ZMPSTE24: variants seen among roughly 807,000 people sequenced by gnomAD.
ZMPSTE24 encodes the protein zinc metallopeptidase STE24.
In ZMPSTE24, 48 loss-of-function variants were observed where a neutral mutation model predicts 56.7. The observed-to-expected ratio is 0.85, with a 90% CI of 0.67 to 1.08. The LOEUF (loss-of-function observed/expected upper bound fraction) is 1.08, where lower values mean the gene tolerates loss of function less well. ZMPSTE24 is among the 50% of genes least tolerant of loss of function. The pLI is 0.00. For synonymous variants in ZMPSTE24, 172 were observed against 195.2 expected, an observed-to-expected ratio of 0.88 and a Z score of 0.99; for missense variants, 503 against 548.7, an observed-to-expected ratio of 0.92 and a Z score of 0.83.
At chr1:40,275,262 A>G (rs1309622885) in intron 6 of ZMPSTE24, among the ~76,000 whole-genome samples, 1 of 145,122 alleles carries the variant, frequency 6.9e-6, no homozygotes. Context: ...TCTACTAAAA[A>G]TACAAAAAAA....
chr1:40,273,553 T>A lies in ZMPSTE24; in HGVS notation c.769+1518T>A, dbSNP rs868232538. Among the ~76,000 whole-genome samples, 353 of 102,798 alleles carry A rather than the reference T, an allele frequency of 3.4e-3. 9 individuals are homozygous for A. The highest frequency in any genetic ancestry group is 0.013 in the African/African-American group (317 of 23,620). The allele number at this position is 102,798 out of a possible 152,430, so 67.4% of individuals were successfully genotyped here. A position where few individuals can be genotyped will look rare whatever the true frequency, so the allele number is the denominator to read the frequency against. ...AAAAAAAAAAATATATATATATATA[T>A]ATATATATATATATATGTCAGACAT... On this transcript the variant is annotated intron_variant, in intron 6 of 9. Transcript: ENST00000372759.
At chr1:40,286,101 C>G (rs1303657703) in intron 8 of ZMPSTE24, 72 bp downstream of exon 8, 16 of 1,369,606 alleles carry the variant, frequency 1.2e-5, no homozygotes, top group Non-Finnish European at 1.6e-5. Flanking sequence ...CATGAGAGGT[C>G]ATATAAGAGA....
intron 9 of ZMPSTE24, among the ~76,000 whole-genome samples, chr1:40,291,894 G>A (rs1300125556): frequency 1.3e-5 from 2 of 149,656 alleles, no homozygotes; most frequent in Non-Finnish European, 3.0e-5. Context: ...AGGCTGGAGT[G>A]CAGGGGTGTC....
intron 4 of ZMPSTE24, 21 bp from the exon 5 acceptor site, chr1:40,269,954 G>T (rs1643596737): frequency 6.3e-7 from 1 of 1,598,350 alleles, no homozygotes; most frequent in Non-Finnish European, 8.5e-7. Flanking sequence ...AGTTTCTTGT[G>T]GTAATGTTTT....
intron 6 of ZMPSTE24, among the ~76,000 whole-genome samples, chr1:40,272,909 A>G (rs1643626562): frequency 6.6e-6 from 1 of 152,206 alleles, no homozygotes; most frequent in Non-Finnish European, 1.5e-5. Flanking sequence ...GATAGTAAAT[A>G]TTTTAGCTTT....
chr1:40,290,689 C>T (rs1643833392), intron 8 of ZMPSTE24, 165 bp from the exon 9 acceptor site: 2 of 632,192 alleles, frequency 3.2e-6, no homozygotes, highest in Non-Finnish European at 5.3e-6. Context: ...GTCTCAATCT[C>T]CTGACCTCGT....
intron 6 of ZMPSTE24, among the ~76,000 whole-genome samples, chr1:40,278,071 C>T (rs1443617596): frequency 6.6e-6 from 1 of 151,390 alleles, no homozygotes; most frequent in African/African-American, 2.4e-5. Context: ...ATGTTTGGCT[C>T]TTCCTGGCAA....
chr1:40,273,537 A>AAAAAAAAAATATATAT (rs1224234676), intron 6 of ZMPSTE24, among the ~76,000 whole-genome samples: 5 of 12,386 alleles, frequency 4.0e-4, no homozygotes, highest in Non-Finnish European at 4.0e-4. Flanking sequence ...AAAAAAAAAA[A>AAAAAAAAAATATATAT]ATATATATAT....
chr1:40,267,061 C>CTG (rs1182154945), intron 2 of ZMPSTE24, among the ~76,000 whole-genome samples: 16 of 152,140 alleles, frequency 1.1e-4, no homozygotes, highest in Non-Finnish European at 1.6e-4. Context: ...TGCTACCATA[C>CTG]CCAGCTGTTT....
At chr1:40,289,786 C>T (rs1277460857) in intron 8 of ZMPSTE24, among the ~76,000 whole-genome samples, 1 of 151,970 alleles carries the variant, frequency 6.6e-6, no homozygotes, top group Non-Finnish European at 1.5e-5. Context: ...CTACTTTTCC[C>T]CCTGACCTTT....
At chr1:40,278,529 G>T (rs1259238622) in intron 6 of ZMPSTE24, among the ~76,000 whole-genome samples, 3 of 110,104 alleles carry the variant, frequency 2.7e-5, no homozygotes, top group African/African-American at 1.1e-4. Flanking sequence ...CTGCACTCCA[G>T]CCTGGGCGAC....
intron 2 of ZMPSTE24, among the ~76,000 whole-genome samples, chr1:40,264,785 G>A (rs1409468231): frequency 1.3e-5 from 2 of 150,374 alleles, no homozygotes; most frequent in Non-Finnish European, 3.0e-5. Flanking sequence ...AGGCTGAGGT[G>A]GGAGGGTTGC....
At position 40,281,432 on chromosome 1, in the gene ZMPSTE24, T is replaced by C. The variant is rs1196520350; in HGVS notation, c.859T>C (p.Tyr287His). ...TTTGTTTGACACTCTACTAGAAGAGTACTCTGTACTAAACAAAGACATCCA... is the reference window on the plus strand; with the variant it reads ...TTTGTTTGACACTCTACTAGAAGAGCACTCTGTACTAAACAAAGACATCCA... ...IVLFDTLLEE[Y>H]SVLNKDIQED... Residue 287 changes from tyrosine to histidine, a missense_variant, in exon 7 of 10, where the codon TAC becomes CAC. Coordinates refer to ENST00000372759, the MANE Select transcript of ZMPSTE24 (RefSeq NM_005857.5). 1.9e-6 allele frequency: 3 copies of C among 1,613,910 alleles called. No homozygotes were observed. Among genetic ancestry groups the C allele is most frequent in the African/African-American group, 2.7e-5 (2 of 74,888 alleles).
chr1:40,274,467 G>A (rs1643648897), intron 6 of ZMPSTE24, among the ~76,000 whole-genome samples: 1 of 152,164 alleles, frequency 6.6e-6, no homozygotes, highest in African/African-American at 2.4e-5. Context: ...ACTGTAGATT[G>A]GTCATCAGAT....
intron 2 of ZMPSTE24, chr1:40,262,968 A>G (rs1643513848): frequency 9.9e-7 from 1 of 1,011,180 alleles, no homozygotes; most frequent in South Asian, 4.1e-5. Context: ...TAATAATGAC[A>G]AGGCAATTAG....
chr1:40,274,879 A>G (rs1643652895), intron 6 of ZMPSTE24, among the ~76,000 whole-genome samples: 2 of 152,122 alleles, frequency 1.3e-5, no homozygotes, highest in Non-Finnish European at 2.9e-5. Context: ...TGAATTTTCT[A>G]ATTGATTGCA....
Position 40,293,207 on chromosome 1 carries a change from CCTATT to C in ZMPSTE24, c.*542_*546del, listed in dbSNP as rs1215287063. ...ATGAAAGTAGTTAGAAAAATGCTCTCCTATTCTACCAAATTTTTAATTTCTTTCTT... is the reference window on the plus strand; with the variant it reads ...ATGAAAGTAGTTAGAAAAATGCTCTCCTACCAAATTTTTAATTTCTTTCTT... On this transcript the variant is annotated 3_prime_UTR_variant, in exon 10 of 10. Coordinates refer to ENST00000372759, the MANE Select transcript of ZMPSTE24 (RefSeq NM_005857.5). The C allele has an allele frequency of 6.5e-6, 1 of 153,062 alleles. No individual in the cohort carries two copies. Among genetic ancestry groups the C allele is most frequent in the Non-Finnish European group, 1.5e-5 (1 of 68,694 alleles). 9.5% of individuals were successfully genotyped at this position (153,062 alleles called of 1,614,324 possible).
In ZMPSTE24 at chr1:40,292,759, G is replaced by A. The variant is rs368280638; in HGVS notation, c.*90G>A. 5.6e-5 allele frequency: 69 copies of A among 1,240,948 alleles called. 2 individuals are homozygous for A. The highest frequency in any genetic ancestry group is 2.6e-4 in the East Asian group (11 of 42,056). 76.9% of individuals were successfully genotyped at this position (1,240,948 alleles called of 1,614,324 possible). On this transcript the variant is annotated 3_prime_UTR_variant, in exon 10 of 10. Transcript: ENST00000372759. Reference sequence around the variant, plus strand: ...CTTGATGTTTTTAAACTTTTTTTTAGAAGAAAAATTAAGTACAGAAAAGCC... The same window carrying A: ...CTTGATGTTTTTAAACTTTTTTTTAAAAGAAAAATTAAGTACAGAAAAGCC...
At chr1:40,290,342 G>T (rs1643828002) in intron 8 of ZMPSTE24, among the ~76,000 whole-genome samples, 1 of 150,628 alleles carries the variant, frequency 6.6e-6, no homozygotes, top group South Asian at 2.1e-4. Context: ...CCGAGATCGT[G>T]CCACTGAGCT....
Sources: allele counts gnomAD v4.1 joint callset (sites outside exome capture counted in the v4.1 genomes callset), GRCh38; gene constraint gnomAD v4.1.1; transcripts MANE v1.5; gene names NCBI Gene and HGNC (gene_info 2026-07-23, HGNC 2026-07-21).